Variants in TF observed in about 807,000 individuals in gnomAD.
TF encodes serotransferrin.
Under a neutral mutation model 82.4 loss-of-function variants are expected in TF, and 55 were observed. That is an observed-to-expected ratio of 0.67 (90% CI 0.54 to 0.84). The LOEUF is 0.84. Ranked by LOEUF, TF falls within the 40% of genes least tolerant of loss-of-function variation. TF has a pLI of 0.00. For missense variants in TF, 737 were observed against 868.4 expected, an observed-to-expected ratio of 0.85 and a Z score of 1.90; for synonymous variants, 332 against 332.6, an observed-to-expected ratio of 1.00 and a Z score of 0.02.
chr3:133,757,833 T>C lies in TF; in HGVS notation c.935T>C (p.Leu312Pro). 1 of 1,614,198 alleles carries C rather than the reference T, an allele frequency of 6.2e-7. No homozygotes were observed. Among genetic ancestry groups the C allele is most frequent in the Non-Finnish European group, 8.5e-7 (1 of 1,180,004 alleles). Residue 312 changes from leucine to proline, a missense_variant, in exon 8 of 17, where the codon CTG becomes CCG. Coordinates refer to ENST00000402696, the MANE Select transcript of TF (RefSeq NM_001063.4). The stretch of plus-strand genomic sequence containing the variant: ...TTCAGCTCTCCTCATGGGAAGGACC[T>C]GCTGTTTAAGGACTCTGCCCACGGG... ...QLFSSPHGKD[L>P]LFKDSAHGFL...
intron 8 of TF, 40 bp from the exon 9 acceptor site, chr3:133,759,135 T>C (rs1559872360): frequency 6.2e-7 from 1 of 1,613,576 alleles, no homozygotes; most frequent in East Asian, 2.2e-5. Flanking sequence ...AGGCAACAGC[T>C]AGGGCCGCTT....
In TF at chr3:133,768,140, A is replaced by G. The variant is rs754747078; in HGVS notation, c.1598A>G (p.Tyr533Cys). The change falls in exon 13 of 17, where the codon TAC becomes TGC. Residue 533 changes from tyrosine (Y) to cysteine (C), a missense_variant. Coordinates refer to ENST00000402696, the MANE Select transcript of TF (RefSeq NM_001063.4). ...NLCEPNNKEGYYGYTGAFRCL... is the reference protein window; with the variant it reads ...NLCEPNNKEGCYGYTGAFRCL... ...TGTGAACCCAACAACAAAGAGGGATACTACGGCTACACAGGCGCTTTCAGG... is the reference window on the plus strand; with the variant it reads ...TGTGAACCCAACAACAAAGAGGGATGCTACGGCTACACAGGCGCTTTCAGG... 1.9e-6 allele frequency: 3 copies of G among 1,614,186 alleles called. No individual in the cohort carries two copies. The highest frequency in any genetic ancestry group is 2.5e-6 in the Non-Finnish European group (3 of 1,180,036).
the TF span, among the ~76,000 whole-genome samples, chr3:133,672,338 G>C: frequency 6.6e-6 from 1 of 151,462 alleles, no homozygotes; most frequent in South Asian, 2.1e-4. Context: ...AATAAGAAAA[G>C]AAGTAACATA....
chr3:133,723,014 T>C, the TF span, among the ~76,000 whole-genome samples: 1 of 152,214 alleles, frequency 6.6e-6, no homozygotes, highest in Non-Finnish European at 1.5e-5. Flanking sequence ...ACTTTATTTC[T>C]TCTTCATTTC....
At chr3:133,674,038 C>T in the TF span, among the ~76,000 whole-genome samples, 1 of 152,048 alleles carries the variant, frequency 6.6e-6, no homozygotes, top group Non-Finnish European at 1.5e-5. Flanking sequence ...CAGGAGTGGT[C>T]CATTCTCTCG....
rs1934515357 is a variant in TF, at chr3:133,781,497, C to T, written c.*2877C>T. The T allele has an allele frequency of 6.6e-6, 1 of 151,804 alleles. No homozygotes were observed. Among genetic ancestry groups the T allele is most frequent in the African/African-American group, 2.4e-5 (1 of 41,340 alleles). 9.4% of individuals were successfully genotyped at this position (151,804 alleles called of 1,614,324 possible). ...GTATCATTTAGTAAATTAATAAAAG[C>T]TACATTTAAACCACACTTATCAAAG... is the stretch of plus-strand genomic sequence containing the variant. On this transcript the variant is annotated 3_prime_UTR_variant, in exon 17 of 17. Coordinates refer to ENST00000402696, the MANE Select transcript of TF (RefSeq NM_001063.4).
At chr3:133,713,697 G>T in the TF span, among the ~76,000 whole-genome samples, 1 of 152,214 alleles carries the variant, frequency 6.6e-6, no homozygotes, top group Non-Finnish European at 1.5e-5. Flanking sequence ...GGGAGCTGCT[G>T]CTTTTAGCTT....
At chr3:133,670,084 C>A in the TF span, among the ~76,000 whole-genome samples, 6 of 152,306 alleles carry the variant, frequency 3.9e-5, no homozygotes, top group East Asian at 1.2e-3. Flanking sequence ...GCTCCAGAGA[C>A]AAATGTCAGA....
intron 15 of TF, among the ~76,000 whole-genome samples, chr3:133,776,198 G>A (rs1409630083): frequency 1.3e-5 from 2 of 152,214 alleles, no homozygotes; most frequent in African/African-American, 2.4e-5. Flanking sequence ...GTTGATACGA[G>A]TCATGAAGAG....
Position 133,788,791 on chromosome 3 carries a change from A to C in TF, c.*10171A>C, listed in dbSNP as rs975064177. ...CTGATTCCTATGTGTGGCGCAGCTC[A>C]GGGCAAACTTGCAGCTCAGGGTGAA... On this transcript the variant is annotated 3_prime_UTR_variant, in exon 17 of 17. Coordinates refer to ENST00000402696, the MANE Select transcript of TF (RefSeq NM_001063.4). 3 of 152,218 alleles carry C rather than the reference A, an allele frequency of 2.0e-5. No homozygotes were observed. The highest frequency in any genetic ancestry group is 7.2e-5 in the African/African-American group (3 of 41,450). The allele number at this position is 152,218 out of a possible 1,614,324, so 9.4% of individuals were successfully genotyped here.
At chr3:133,732,595 G>A in the TF span, among the ~76,000 whole-genome samples, 1 of 152,152 alleles carries the variant, frequency 6.6e-6, no homozygotes, top group South Asian at 2.1e-4. Context: ...CACTGTTTGG[G>A]TCCACACTAC....
the TF span, among the ~76,000 whole-genome samples, chr3:133,740,275 T>A: frequency 1.3e-5 from 2 of 151,664 alleles, no homozygotes; most frequent in African/African-American, 4.8e-5. Context: ...TAAGTGGGAG[T>A]TGAACAATGA....
At chr3:133,736,630 C>CAAAAAAAAAAAAAAA in the TF span, among the ~76,000 whole-genome samples, 1 of 12,568 alleles carries the variant, frequency 8.0e-5, no homozygotes, top group Non-Finnish European at 1.3e-4. Flanking sequence ...AAATGGAAAG[C>CAAAAAAAAAAAAAAA]CAAAAAAAAA....
Position 133,772,267 on chromosome 3 carries a change from T to C in TF, c.1687+1695T>C, listed in dbSNP as rs1361934133. ...CTTCCCTCGTATTATTGCTTTTTCC[T>C]TTAAGAGAGTGTTACCCTAAGCTTG... On this transcript the variant is annotated intron_variant, in intron 14 of 16. Transcript: ENST00000402696. Among the ~76,000 whole-genome samples, 6 of 152,206 alleles carry C rather than the reference T, an allele frequency of 3.9e-5. No individual in the cohort carries two copies. The East Asian group carries it at 1.2e-3, about 29-fold the overall frequency.
chr3:133,705,164 A>T, the TF span, among the ~76,000 whole-genome samples: 1 of 152,148 alleles, frequency 6.6e-6, no homozygotes, highest in African/African-American at 2.4e-5. Context: ...AATCCCAGCT[A>T]CAGGGAGGCT....
At chr3:133,700,381 A>T in the TF span, 1 of 152,382 alleles carries the variant, frequency 6.6e-6, no homozygotes, top group Non-Finnish European at 1.5e-5. Flanking sequence ...AACCGGAGTC[A>T]TAGGCAAAGA....
rs1179234959 is a variant in TF at position 133,764,163 on chromosome 3, A to T, written c.1204-19A>T. The T allele has an allele frequency of 6.2e-7, 1 of 1,611,132 alleles. No homozygotes were observed. ...AAACAGCCTCTTTTCATCTGCTGTGATTTGCTGTGTCTTTGCAGAATGGAG... is the reference window on the plus strand; with the variant it reads ...AAACAGCCTCTTTTCATCTGCTGTGTTTTGCTGTGTCTTTGCAGAATGGAG... On this transcript the variant is annotated intron_variant, in intron 9 of 16. Coordinates refer to ENST00000402696, the MANE Select transcript of TF (RefSeq NM_001063.4).
At chr3:133,763,881 G>A (rs961297641) in intron 9 of TF, among the ~76,000 whole-genome samples, 3 of 152,182 alleles carry the variant, frequency 2.0e-5, no homozygotes, top group Admixed American at 6.5e-5. Flanking sequence ...GAAATGTGTC[G>A]TAGGAGTGTC....
At position 133,755,723 on chromosome 3, in the gene TF, T is replaced by A. The variant is rs1933807536; in HGVS notation, c.635+228T>A. ...GGTCCTTTTCCTGGGGACCCTTCCT[T>A]TCTCCCCAGAGCCCTCAAGCCTGGT... On this transcript the variant is annotated intron_variant, in intron 5 of 16. Transcript: ENST00000402696. 3 of 601,914 alleles carry A rather than the reference T, an allele frequency of 5.0e-6. No homozygotes were observed. In the Admixed American group the frequency reaches 8.3e-5, roughly 17 times the overall value. The allele number at this position is 601,914 out of a possible 1,614,324, so 37.3% of individuals were successfully genotyped here.
Sources: gnomAD v4.1 joint callset for allele counts (sites outside exome capture counted in the v4.1 genomes callset) on GRCh38, gnomAD v4.1.1 for gene constraint, MANE v1.5 for transcripts, NCBI Gene and HGNC (gene_info 2026-07-23, HGNC 2026-07-21) for gene names.